The following AHI1 variants were observed in gnomAD, a reference collection of about 807,000 sequenced individuals.
AHI1 encodes the protein jouberin.
A neutral mutation model predicts 149.3 loss-of-function variants in AHI1; 123 were observed. That is an observed-to-expected ratio of 0.82 (90% CI 0.71 to 0.96). AHI1 has a LOEUF of 0.96. AHI1 is among the 40% of genes least tolerant of loss of function. The probability of loss-of-function intolerance (pLI) is 0.00; values close to 1 mark genes in which losing one functional copy is unlikely to be tolerated. For synonymous variants in AHI1, 475 were observed against 459.8 expected, an observed-to-expected ratio of 1.03 and a Z score of -0.42; for missense variants, 1,439 against 1,422.7, an observed-to-expected ratio of 1.01 and a Z score of -0.18.
chr6:135,376,483 C>T (rs955466475), intron 23 of AHI1, among the ~76,000 whole-genome samples: 4 of 152,142 alleles, frequency 2.6e-5, no homozygotes, highest in Non-Finnish European at 5.9e-5. Context: ...TGATGCAAAC[C>T]ATTTACATGT....
intron 17 of AHI1, 25 bp from the exon 18 acceptor site, chr6:135,430,025 C>A: frequency 7.5e-7 from 1 of 1,327,326 alleles, no homozygotes; most frequent in East Asian, 2.5e-5. Flanking sequence ...AAAAATACTA[C>A]TACTGAAAAG....
chr6:135,339,725 C>T (rs1211138992), intron 24 of AHI1, among the ~76,000 whole-genome samples: 12 of 152,130 alleles, frequency 7.9e-5, no homozygotes, highest in Admixed American at 7.9e-4. Flanking sequence ...CATAACAGGA[C>T]TCCCAGAAGA....
chr6:135,286,828 A>C (rs1781745475), intron 28 of AHI1, among the ~76,000 whole-genome samples: 2 of 152,218 alleles, frequency 1.3e-5, no homozygotes, highest in Admixed American at 6.5e-5. Context: ...ATGCACATGA[A>C]GTTGAGTATA....
intron 3 of AHI1, 140 bp downstream of exon 3, chr6:135,495,674 C>G (rs770675695): frequency 6.6e-6 from 1 of 152,176 alleles, no homozygotes. Context: ...CTTTGGAGGA[C>G]CAAGCCAATG....
Position 135,448,312 on chromosome 6 carries a change from C to G in AHI1, c.1604G>C (p.Arg535Thr). 1.3e-6 allele frequency: 2 copies of G among 1,597,004 alleles called. No homozygotes were observed. Among genetic ancestry groups the G allele is most frequent in the African/African-American group, 1.3e-5 (1 of 74,904 alleles). Reference protein sequence around the residue: ...HYPSTLYVTVRGLKVPDCIKP... With the variant: ...HYPSTLYVTVTGLKVPDCIKP... ...TACACAGTCTGGAACTTTCAGTCCT[C>G]TTACAGTTACGTACAGTGTTGATGG... Residue 535 changes from arginine to threonine, a missense_variant, in exon 12 of 29, where the codon AGA (arginine) becomes ACA (threonine). Coordinates refer to ENST00000265602, the MANE Select transcript of AHI1 (RefSeq NM_001134831.2).
intron 26 of AHI1, among the ~76,000 whole-genome samples, chr6:135,309,372 C>CT (rs979570662): frequency 6.4e-4 from 97 of 152,084 alleles, no homozygotes; most frequent in South Asian, 1.2e-3. Context: ...GAAATTAATA[C>CT]TTTTTTCTCA....
intron 7 of AHI1, among the ~76,000 whole-genome samples, chr6:135,463,631 G>A (rs1378650247): frequency 2.0e-5 from 3 of 151,994 alleles, no homozygotes; most frequent in Non-Finnish European, 4.4e-5. Flanking sequence ...TGCCCACCCT[G>A]CTGCCAAGTA....
chr6:135,410,385 C>T (rs1328859619), intron 21 of AHI1, among the ~76,000 whole-genome samples: 4 of 152,060 alleles, frequency 2.6e-5, no homozygotes, highest in Non-Finnish European at 5.9e-5. Flanking sequence ...TAAAACAAAA[C>T]AAAACAACCA....
intron 25 of AHI1, 71 bp downstream of exon 25, chr6:135,323,091 T>C (rs1185959654): frequency 6.9e-7 from 1 of 1,441,106 alleles, no homozygotes; most frequent in Non-Finnish European, 9.3e-7. Flanking sequence ...AATTAAAGAC[T>C]AGAAAATGAT....
chr6:135,469,718 G>T (rs1791391764), intron 5 of AHI1, among the ~76,000 whole-genome samples: 1 of 152,106 alleles, frequency 6.6e-6, no homozygotes, highest in South Asian at 2.1e-4. Flanking sequence ...AATAGGGAAA[G>T]GATTCCCTAT....
chr6:135,489,982 T>C (rs1562292416), intron 5 of AHI1: 1 of 457,632 alleles, frequency 2.2e-6, no homozygotes, highest in Non-Finnish European at 3.8e-6. Context: ...GTCAAAGTAG[T>C]AAAAAGTGCA....
chr6:135,437,356 T>C (rs1785566660), intron 15 of AHI1, among the ~76,000 whole-genome samples: 2 of 152,216 alleles, frequency 1.3e-5, no homozygotes, highest in South Asian at 4.1e-4. Context: ...TTTTCTCTAG[T>C]ATGGCCTGGC....
At chr6:135,456,606 C>A (rs1319411578) in intron 9 of AHI1, among the ~76,000 whole-genome samples, 3 of 152,000 alleles carry the variant, frequency 2.0e-5, no homozygotes, top group Non-Finnish European at 4.4e-5. Flanking sequence ...ACTGTAAACC[C>A]TTTGAGTTGT....
intron 22 of AHI1, among the ~76,000 whole-genome samples, chr6:135,397,148 A>G (rs1779338551): frequency 3.3e-5 from 5 of 151,970 alleles, no homozygotes; most frequent in Admixed American, 3.3e-4. Context: ...GATAATTTCT[A>G]AAGTTTGGGG....
At chr6:135,304,978 T>C (rs1784373577) in intron 26 of AHI1, 1 of 152,222 alleles carries the variant, frequency 6.6e-6, no homozygotes, top group Non-Finnish European at 1.5e-5. Flanking sequence ...TAGACAAATA[T>C]GGAGCCAACT....
At chr6:135,344,925 T>TGCAC (rs1790953266) in intron 24 of AHI1, among the ~76,000 whole-genome samples, 1 of 80,094 alleles carries the variant, frequency 1.2e-5, no homozygotes, top group Non-Finnish European at 2.5e-5. Context: ...TAAGCTCTGA[T>TGCAC]TCACACACAC....
chr6:135,448,125 T>G (rs1787528571), intron 12 of AHI1, among the ~76,000 whole-genome samples, 165 bp downstream of exon 12: 1 of 152,236 alleles, frequency 6.6e-6, no homozygotes, highest in Non-Finnish European at 1.5e-5. Flanking sequence ...TAAAATTCAT[T>G]TAAGCATCTT....
chr6:135,383,302 T>A (rs1347549875), intron 23 of AHI1, among the ~76,000 whole-genome samples: 2 of 134,046 alleles, frequency 1.5e-5, no homozygotes, highest in African/African-American at 5.6e-5. Context: ...CAATCATGGT[T>A]CACTGCAGCC....
At chr6:135,496,801 C>T (rs1364843251) in intron 2 of AHI1, among the ~76,000 whole-genome samples, 1 of 152,170 alleles carries the variant, frequency 6.6e-6, no homozygotes, top group Non-Finnish European at 1.5e-5. Context: ...CAAGATTCTT[C>T]ATAAGTAAAC....
Sources: allele counts gnomAD v4.1 joint callset (sites outside exome capture counted in the v4.1 genomes callset), GRCh38; gene constraint gnomAD v4.1.1; transcripts MANE v1.5; gene names NCBI Gene and HGNC (gene_info 2026-07-23, HGNC 2026-07-21).